FRY: variants seen among roughly 807,000 people sequenced by gnomAD.
FRY encodes FRY microtubule binding protein.
FRY carries 128 observed loss-of-function variants against 348.4 expected under a neutral mutation model. That is an observed-to-expected ratio of 0.37 (90% CI 0.32 to 0.43). FRY has a LOEUF of 0.43. Among genes scored for constraint, FRY ranks in the 20% least tolerant of loss-of-function variants. The pLI is 1.00. For missense variants in FRY, 2,736 were observed against 3,695.2 expected (o/e 0.74, Z 6.73); for synonymous variants, 1,370 against 1,374.7 (o/e 1.00, Z 0.08).
chr13:32,262,387 C>A lies in FRY; in HGVS notation c.7691C>A (p.Ala2564Glu), dbSNP rs1334519255. The change falls in exon 53 of 61, where the codon GCA (alanine) becomes GAA (glutamate). Residue 2564 changes from alanine to glutamate, a missense_variant. Transcript: ENST00000542859. ...ACCACAGCCTGTGACTCGACCCCTG[C>A]AGAACCTCATTCCTTTAACACCAGA... The part of the protein sequence containing the change: ...LLTTACDSTP[A>E]EPHSFNTRMS... The A allele has an allele frequency of 6.2e-7, 1 of 1,613,254 alleles. No individual in the cohort carries two copies. The highest frequency in any genetic ancestry group is 8.5e-7 in the Non-Finnish European group (1 of 1,179,182).
chr13:32,276,775 T>G (rs1248621905), intron 57 of FRY, among the ~76,000 whole-genome samples: 1 of 152,192 alleles, frequency 6.6e-6, no homozygotes, highest in Admixed American at 6.5e-5. Context: ...TTTTTCAGCA[T>G]TCACTTTTAG....
At chr13:32,127,888 C>A (rs1288445491) in intron 7 of FRY, among the ~76,000 whole-genome samples, 1 of 152,106 alleles carries the variant, frequency 6.6e-6, no homozygotes. Flanking sequence ...AATAACTTCC[C>A]TTTTTCTCTC....
intron 3 of FRY, among the ~76,000 whole-genome samples, chr13:32,103,137 C>T (rs457793): frequency 3.3e-5 from 5 of 152,066 alleles, no homozygotes; most frequent in South Asian, 2.1e-4. Context: ...AGCCCTGCAA[C>T]GGTGGCGTGG....
At chr13:32,147,743 T>G in intron 12 of FRY, 96 bp from the exon 13 acceptor site, 2 of 797,058 alleles carry the variant, frequency 2.5e-6, no homozygotes, top group Non-Finnish European at 4.6e-6. Flanking sequence ...GAATTCTCTC[T>G]GATTCTTAGA....
chr13:32,162,217 C>G (rs1200768480), intron 17 of FRY, among the ~76,000 whole-genome samples: 1 of 152,172 alleles, frequency 6.6e-6, no homozygotes, highest in African/African-American at 2.4e-5. Flanking sequence ...AATTTAGGCT[C>G]TATAATCTGA....
At chr13:32,256,666 G>T (rs1300325802) in intron 51 of FRY, among the ~76,000 whole-genome samples, 2 of 152,154 alleles carry the variant, frequency 1.3e-5, no homozygotes, top group Non-Finnish European at 2.9e-5. Flanking sequence ...TAGCATTCTT[G>T]GAGTAGAAGA....
chr13:32,168,439 A>T (rs1224890670), intron 17 of FRY, among the ~76,000 whole-genome samples: 1 of 152,262 alleles, frequency 6.6e-6, no homozygotes, highest in Non-Finnish European at 1.5e-5. Context: ...AATGTCAGTC[A>T]AATATCTGGG....
At chr13:32,140,749 A>G (rs1330761623) in intron 11 of FRY, among the ~76,000 whole-genome samples, 63 of 152,206 alleles carry the variant, frequency 4.1e-4, no homozygotes, top group Non-Finnish European at 5.9e-5. Flanking sequence ...CCATAAATAT[A>G]TTTGATGAAG....
chr13:32,125,854 G>C (rs1343528081), intron 7 of FRY, among the ~76,000 whole-genome samples: 3 of 151,956 alleles, frequency 2.0e-5, no homozygotes, highest in Admixed American at 6.6e-5. Flanking sequence ...GTTCGAAGGA[G>C]GAACGGGAAC....
intron 43 of FRY, 144 bp downstream of exon 43, chr13:32,236,316 T>C (rs1433854896): frequency 1.5e-6 from 1 of 646,160 alleles, no homozygotes; most frequent in Admixed American, 2.5e-5. Context: ...TAATACTTTC[T>C]TAAGTTAAAA....
intron 2 of FRY, among the ~76,000 whole-genome samples, chr13:32,096,983 G>A (rs992729441): frequency 6.6e-6 from 1 of 152,092 alleles, no homozygotes. Flanking sequence ...GAGAAAGTGA[G>A]CCTGACAATA....
intron 4 of FRY, among the ~76,000 whole-genome samples, chr13:32,123,332 T>G (rs1878799605): frequency 6.6e-6 from 1 of 152,196 alleles, no homozygotes; most frequent in African/African-American, 2.4e-5. Flanking sequence ...GCTTCTAACT[T>G]TTAAATGAGC....
At chr13:32,162,380 C>G (rs1370194339) in intron 17 of FRY, among the ~76,000 whole-genome samples, 1 of 152,140 alleles carries the variant, frequency 6.6e-6, no homozygotes, top group Non-Finnish European at 1.5e-5. Context: ...ACCCAAACTT[C>G]CACCCCACAT....
intron 17 of FRY, among the ~76,000 whole-genome samples, chr13:32,163,978 T>C (rs991968846): frequency 3.9e-5 from 6 of 152,334 alleles, no homozygotes; most frequent in Non-Finnish European, 8.8e-5. Flanking sequence ...ACTGGACTTA[T>C]ATGGGAAACC....
intron 59 of FRY, among the ~76,000 whole-genome samples, chr13:32,294,048 C>G (rs1889509261): frequency 6.6e-6 from 1 of 152,204 alleles, no homozygotes; most frequent in Non-Finnish European, 1.5e-5. Flanking sequence ...CAGATCTACT[C>G]ACTCTTGAGC....
intron 55 of FRY, among the ~76,000 whole-genome samples, chr13:32,268,495 AAAAAAAAAAAATATATATATATAT>A (rs1471790362): frequency 0.035 from 526 of 15,152 alleles, 9 homozygotes; most frequent in South Asian, 0.24. Context: ...TTAAAAAAAA[AAAAAAAAAAAATATATATATATAT>A]ATATATATAT....
Position 32,063,409 on chromosome 13 carries a change from T to C in FRY, c.71-15425T>C, listed in dbSNP as rs140107398. 3.5e-3 allele frequency among the ~76,000 whole-genome samples: 539 copies of C among 152,282 alleles called. 8 individuals carry two copies. Among genetic ancestry groups the C allele is most frequent in the African/African-American group, 0.012 (518 of 41,558 alleles). ...TCAGTCTAATGCCCAGATAACAGTA[T>C]GGGAAATACTACTAGCTCCTTAGCC... is the stretch of plus-strand genomic sequence containing the variant. On this transcript the variant is annotated intron_variant, in intron 1 of 60. Transcript: ENST00000542859.
chr13:32,173,668 C>T (rs1444953984), intron 19 of FRY, 119 bp downstream of exon 19: 7 of 790,372 alleles, frequency 8.9e-6, no homozygotes, highest in Non-Finnish European at 1.6e-5. Flanking sequence ...TGTAGTGTTT[C>T]ATTCATTGTT....
rs375326219 is a variant in FRY, at chr13:32,278,499, G to T, written c.8420G>T (p.Gly2807Val). The T allele has an allele frequency of 3.1e-6, 5 of 1,603,200 alleles. No individual in the cohort carries two copies. The African/African-American group carries it at 4.0e-5, about 13-fold the overall frequency. Residue 2807 changes from glycine to valine, a missense_variant, in exon 58 of 61, where the codon GGA becomes GTA. Physicochemically the swap from Gly to Val is moderately radical, Grantham distance 109 (BLOSUM62 -3). This residue lies in a region of FRY where 789 missense variants were observed against 996.2 expected (regional missense o/e 0.79). Transcript: ENST00000542859. ...AATTGTAAGGCAACATTTGCAGGGG[G>T]ATCAAGAGATGGAGTAATTACCTGT... is the stretch of plus-strand genomic sequence containing the variant. ...LANCKATFAG[G>V]SRDGVITCQP...
Sources: allele counts gnomAD v4.1 joint callset (sites outside exome capture counted in the v4.1 genomes callset), GRCh38; gene constraint gnomAD v4.1.1; regional missense constraint gnomAD v4.1.1; transcripts MANE v1.5; gene names NCBI Gene and HGNC (gene_info 2026-07-23, HGNC 2026-07-21).